The following CATSPERH variants were observed in gnomAD, a reference collection of about 807,000 sequenced individuals.
The protein encoded by CATSPERH is cation channel sperm-associated auxiliary subunit eta.
the CATSPERH span, chr11:65,088,612 C>T: frequency 6.5e-7 from 1 of 1,533,044 alleles, no homozygotes; most frequent in Admixed American, 2.0e-5. Context: ...TTCCAAAGCT[C>T]CCCGCTCCCT....
At chr11:65,089,105 G>A in the CATSPERH span, 1 of 1,234,652 alleles carries the variant, frequency 8.1e-7, no homozygotes, top group Non-Finnish European at 1.1e-6. Flanking sequence ...AAGCAGCAGA[G>A]TCTCTGGTTC....
At chr11:65,088,615 C>G in the CATSPERH span, 2 of 1,533,036 alleles carry the variant, frequency 1.3e-6, no homozygotes, top group East Asian at 2.4e-5. Context: ...CAAAGCTCCC[C>G]GCTCCCTCTT....
chr11:65,088,878 G>A, the CATSPERH span: 1 of 1,535,748 alleles, frequency 6.5e-7, no homozygotes, highest in African/African-American at 1.4e-5. Context: ...ACCGTGTAGT[G>A]AAAGCTCATG....
chr11:65,088,562 C>T, the CATSPERH span: 13 of 1,524,812 alleles, frequency 8.5e-6, no homozygotes, highest in Non-Finnish European at 1.1e-5. Context: ...CCCATGAGCC[C>T]CAGTACCCTT....
chr11:65,088,527 G>C, the CATSPERH span: 1 of 1,535,548 alleles, frequency 6.5e-7, no homozygotes, highest in Non-Finnish European at 8.7e-7. Flanking sequence ...TGGCTCCGTT[G>C]AGCACTGGGC....
At chr11:65,088,716 A>AT in the CATSPERH span, 1 of 1,536,182 alleles carries the variant, frequency 6.5e-7, no homozygotes, top group South Asian at 1.2e-5. Flanking sequence ...GAGTGACCCC[A>AT]TGGCAGCCCA....
chr11:65,089,092 GAA>G, the CATSPERH span: 1 of 1,359,962 alleles, frequency 7.4e-7, no homozygotes, highest in East Asian at 2.5e-5. Context: ...CCCTGCCCAG[GAA>G]AAGCAGCAGA....
At chr11:65,088,790 A>G in the CATSPERH span, 38 of 1,534,612 alleles carry the variant, frequency 2.5e-5, no homozygotes, top group Non-Finnish European at 3.2e-5. Flanking sequence ...CCCTCGCACA[A>G]CAGTGGGGTT....
At chr11:65,089,012 A>G in the CATSPERH span, 1 of 1,535,760 alleles carries the variant, frequency 6.5e-7, no homozygotes, top group Non-Finnish European at 8.7e-7. Flanking sequence ...GAACGTGGCG[A>G]TGCGGTCTTG....
chr11:65,088,548 G>GC, the CATSPERH span: 18 of 1,529,970 alleles, frequency 1.2e-5, no homozygotes, highest in East Asian at 4.4e-4. Context: ...GGGGGACAGA[G>GC]CCCCCCATGA....
chr11:65,088,564 A>G, the CATSPERH span: 1 of 1,527,094 alleles, frequency 6.5e-7, no homozygotes, highest in Non-Finnish European at 8.8e-7. Flanking sequence ...CATGAGCCCC[A>G]GTACCCTTCC....
At chr11:65,088,873 G>A in the CATSPERH span, 46 of 1,535,770 alleles carry the variant, frequency 3.0e-5, 1 homozygote, top group South Asian at 5.4e-4. Flanking sequence ...GGACGACCGT[G>A]TAGTGAAAGC....
chr11:65,088,951 G>A, the CATSPERH span: 12 of 1,535,706 alleles, frequency 7.8e-6, no homozygotes, highest in Admixed American at 3.9e-5. Context: ...CCAGGTGTAA[G>A]AAGAAGAGCA....
the CATSPERH span, chr11:65,088,868 A>C: frequency 6.5e-7 from 1 of 1,535,826 alleles, no homozygotes; most frequent in Non-Finnish European, 8.7e-7. Flanking sequence ...CATCAGGACG[A>C]CCGTGTAGTG....
At chr11:65,088,990 T>C in the CATSPERH span, 3 of 1,535,740 alleles carry the variant, frequency 2.0e-6, no homozygotes, top group Non-Finnish European at 2.6e-6. Context: ...GCATCATGCC[T>C]TTTGGGAAGA....
chr11:65,088,575 C>T, the CATSPERH span: 5 of 1,522,890 alleles, frequency 3.3e-6, no homozygotes, highest in South Asian at 3.6e-5. Flanking sequence ...GTACCCTTCC[C>T]TGGCTACTCC....
the CATSPERH span, chr11:65,088,967 G>T: frequency 1.3e-6 from 2 of 1,535,738 alleles, no homozygotes; most frequent in Non-Finnish European, 1.7e-6. Context: ...GAGCATCAGC[G>T]CAGCCGTGGT....
chr11:65,088,554 C>A, the CATSPERH span: 1 of 1,527,150 alleles, frequency 6.5e-7, no homozygotes. Context: ...CAGAGCCCCC[C>A]ATGAGCCCCA....
the CATSPERH span, chr11:65,088,627 C>G: frequency 6.1e-5 from 93 of 1,534,834 alleles, no homozygotes; most frequent in African/African-American, 1.2e-3. Context: ...CTCCCTCTTG[C>G]ACCCTCCCAC....
Sources: allele counts gnomAD v4.1 joint callset, GRCh38; gene constraint gnomAD v4.1.1; transcripts MANE v1.5; gene names NCBI Gene and HGNC (gene_info 2026-07-23, HGNC 2026-07-21).